GABRB2: variants seen among roughly 807,000 people sequenced by gnomAD.
GABRB2 encodes the protein gamma-aminobutyric acid receptor subunit beta-2.
GABRB2 carries 16 observed loss-of-function variants against 54.7 expected under a neutral mutation model. That is an observed-to-expected ratio of 0.29 (90% CI 0.20 to 0.44). The LOEUF (loss-of-function observed/expected upper bound fraction) is 0.44, where lower values mean the gene tolerates loss of function less well. GABRB2 is among the 20% of genes least tolerant of loss of function. GABRB2 has a pLI of 1.00. For missense variants in GABRB2, 355 were observed against 644.0 expected, an observed-to-expected ratio of 0.55 and a Z score of 4.86; for synonymous variants, 244 against 233.8, an observed-to-expected ratio of 1.04 and a Z score of -0.40.
chr5:161,326,230 TTTAAC>T, intron 9 of GABRB2, 133 bp downstream of exon 9: 2 of 1,243,520 alleles, frequency 1.6e-6, no homozygotes, highest in Non-Finnish European at 2.1e-6. Flanking sequence ...CTGAAAAAGT[TTTAAC>T]TTATCCCCAA....
chr5:161,331,982 G>A (rs552211649), intron 7 of GABRB2, among the ~76,000 whole-genome samples: 2 of 151,896 alleles, frequency 1.3e-5, no homozygotes, highest in South Asian at 2.1e-4. Context: ...TGGCTAACAC[G>A]GTGAAACCCT....
At chr5:161,389,919 T>C (rs1755767088) in intron 5 of GABRB2, among the ~76,000 whole-genome samples, 1 of 151,998 alleles carries the variant, frequency 6.6e-6, no homozygotes, top group Admixed American at 6.6e-5. Flanking sequence ...AAATTTTTCA[T>C]GAGTTTAAAT....
At chr5:161,444,543 A>G (rs915482654) in intron 4 of GABRB2, among the ~76,000 whole-genome samples, 6 of 152,194 alleles carry the variant, frequency 3.9e-5, no homozygotes, top group South Asian at 2.1e-4. Flanking sequence ...TGATAACATA[A>G]CATAAGAAAA....
chr5:161,410,862 G>C (rs904473401), intron 5 of GABRB2, 113 bp downstream of exon 5: 6 of 709,024 alleles, frequency 8.5e-6, no homozygotes, highest in African/African-American at 7.2e-5. Context: ...AATTTAGTTG[G>C]GCTAGCAGAA....
chr5:161,360,557 C>T (rs528483687), intron 5 of GABRB2, among the ~76,000 whole-genome samples: 12 of 152,120 alleles, frequency 7.9e-5, no homozygotes, highest in African/African-American at 1.9e-4. Context: ...CTGGCAAATA[C>T]GGAGCATAAA....
At chr5:161,454,955 A>T (rs982325911) in intron 4 of GABRB2, among the ~76,000 whole-genome samples, 1 of 152,240 alleles carries the variant, frequency 6.6e-6, no homozygotes, top group East Asian at 1.9e-4. Context: ...AACTAAGAGT[A>T]TGCTGCAATC....
At chr5:161,545,372 A>T (rs1251729961) in intron 2 of GABRB2, 78 bp from the exon 3 acceptor site, 1 of 1,078,404 alleles carries the variant, frequency 9.3e-7, no homozygotes, top group Non-Finnish European at 1.3e-6. Flanking sequence ...TGAGCATAAG[A>T]CACTCTGCCC....
intron 5 of GABRB2, among the ~76,000 whole-genome samples, chr5:161,390,980 T>A (rs1442408739): frequency 2.0e-5 from 3 of 152,176 alleles, no homozygotes; most frequent in Non-Finnish European, 4.4e-5. Context: ...ACTGTCAGTG[T>A]TGTTGGACAG....
rs1401376343 is a variant in GABRB2 at position 161,289,449 on chromosome 5, T to C, written c.*4632A>G. 6.6e-6 allele frequency: 1 copy of C among 151,880 alleles called. No homozygotes were observed. Among genetic ancestry groups the C allele is most frequent in the African/African-American group, 2.4e-5 (1 of 41,192 alleles). 9.4% of individuals were successfully genotyped at this position (151,880 alleles called of 1,614,324 possible). On this transcript the variant is annotated 3_prime_UTR_variant, in exon 10 of 10. Transcript: ENST00000393959. ...TGGAGTCTTTGGTTGAAAGGAACAA[T>C]ACTACCTAAGGACAAAATACTATTA...
At position 161,446,467 on chromosome 5, in the gene GABRB2, G is replaced by T. The variant is rs186554876; in HGVS notation, c.458+13157C>A. Among the ~76,000 whole-genome samples, 913 of 152,076 alleles carry T rather than the reference G, an allele frequency of 6.0e-3. 4 individuals are homozygous for T. The highest frequency in any genetic ancestry group is 0.01 in the Non-Finnish European group (681 of 67,984). ...TTCCTCTTAAGAGAATTCTGAGTAC[G>T]TCCCTGTCTGCTCTGCCACTTCCAA... On this transcript the variant is annotated intron_variant, in intron 4 of 9. Transcript: ENST00000393959.
At chr5:161,405,570 C>T (rs1377414296) in intron 5 of GABRB2, among the ~76,000 whole-genome samples, 3 of 152,126 alleles carry the variant, frequency 2.0e-5, no homozygotes, top group African/African-American at 4.8e-5. Context: ...CTTAATACTA[C>T]ACCACTTTTG....
chr5:161,337,116 G>C (rs1051894353), intron 5 of GABRB2, among the ~76,000 whole-genome samples: 2 of 152,074 alleles, frequency 1.3e-5, no homozygotes, highest in Non-Finnish European at 2.9e-5. Flanking sequence ...AGGTTTACCT[G>C]ATTAGGAATC....
At chr5:161,474,256 C>A (rs1758530480) in intron 3 of GABRB2, among the ~76,000 whole-genome samples, 1 of 152,116 alleles carries the variant, frequency 6.6e-6, no homozygotes, top group African/African-American at 2.4e-5. Flanking sequence ...GCAATTCTTT[C>A]ATTCCTCCCT....
chr5:161,460,160 G>T (rs1758075582), intron 3 of GABRB2, among the ~76,000 whole-genome samples: 1 of 152,076 alleles, frequency 6.6e-6, no homozygotes, highest in Non-Finnish European at 1.5e-5. Context: ...TGGACAGGCT[G>T]GTCTCGAACT....
At chr5:161,381,322 A>G (rs1463148596) in intron 5 of GABRB2, among the ~76,000 whole-genome samples, 2 of 152,192 alleles carry the variant, frequency 1.3e-5, no homozygotes, top group African/African-American at 4.8e-5. Flanking sequence ...AATGGAATCC[A>G]TCACTCTCAG....
At chr5:161,305,341 C>A (rs1416822247) in intron 9 of GABRB2, among the ~76,000 whole-genome samples, 1 of 152,204 alleles carries the variant, frequency 6.6e-6, no homozygotes, top group Non-Finnish European at 1.5e-5. Flanking sequence ...ATAGACATTT[C>A]TTTCATTCAA....
chr5:161,497,530 A>G (rs79004434), intron 3 of GABRB2, among the ~76,000 whole-genome samples: 24 of 147,288 alleles, frequency 1.6e-4, no homozygotes, highest in Middle Eastern at 3.2e-3. Flanking sequence ...GTGTGTGTAT[A>G]TGTGTGTGTG....
At chr5:161,544,296 C>G (rs1468363423) in intron 3 of GABRB2, among the ~76,000 whole-genome samples, 1 of 152,134 alleles carries the variant, frequency 6.6e-6, no homozygotes, top group Non-Finnish European at 1.5e-5. Flanking sequence ...CACTGGAATT[C>G]TACATTAAAA....
chr5:161,340,197 A>T (rs1437164905), intron 5 of GABRB2, among the ~76,000 whole-genome samples: 1 of 152,042 alleles, frequency 6.6e-6, no homozygotes, highest in African/African-American at 2.4e-5. Context: ...CAGGTTATAT[A>T]AGAGATGCTG....
Sources: allele counts gnomAD v4.1 joint callset (sites outside exome capture counted in the v4.1 genomes callset), GRCh38; gene constraint gnomAD v4.1.1; transcripts MANE v1.5; gene names NCBI Gene and HGNC (gene_info 2026-07-23, HGNC 2026-07-21).